The following ZNF107 variants were observed in gnomAD, a reference collection of about 807,000 sequenced individuals.
ZNF107 encodes C2H2 type zinc-finger protein.
A neutral mutation model predicts 12.3 loss-of-function variants in ZNF107; 19 were observed. The observed-to-expected ratio is 1.55, with a 90% CI of 1.08 to 2.27. The LOEUF (loss-of-function observed/expected upper bound fraction) is 2.27. Ranked by LOEUF, ZNF107 falls within the 30% of genes most tolerant of loss-of-function variation. ZNF107 has a pLI of 0.00. For synonymous variants in ZNF107, 317 were observed against 330.5 expected (o/e 0.96, Z 0.44); for missense variants, 958 against 979.9 (o/e 0.98, Z 0.30).
chr7:64,686,000 C>T (rs12154763), intron 1 of ZNF107, among the ~76,000 whole-genome samples: 78,947 of 151,848 alleles, frequency 0.52, 20,782 homozygotes, highest in East Asian at 0.67. Context: ...CATACACTCT[C>T]AAAGGATCTC....
chr7:64,707,627 A>G lies in ZNF107; in HGVS notation c.1530A>G (p.Lys510=). 1 of 1,613,050 alleles carries G rather than the reference A, an allele frequency of 6.2e-7. No homozygotes were observed. Among genetic ancestry groups the G allele is most frequent in the South Asian group, 1.1e-5 (1 of 91,040 alleles). ...KKIHTGEKPY[K]CEECDRAFSQ... is the part of the protein sequence containing the mutation. ...TTCATACTGGAGAGAAACCCTACAAATGTGAAGAATGTGACAGAGCTTTTA... is the reference window on the plus strand; with the variant it reads ...TTCATACTGGAGAGAAACCCTACAAGTGTGAAGAATGTGACAGAGCTTTTA... The change falls in exon 4 of 4, where the codon AAA becomes AAG. Residue 510 remains lysine, a synonymous_variant. Coordinates refer to ENST00000620827, the MANE Select transcript of ZNF107 (RefSeq NM_001282359.2).
intron 1 of ZNF107, among the ~76,000 whole-genome samples, chr7:64,681,880 C>A (rs1042779159): frequency 2.6e-5 from 4 of 152,130 alleles, no homozygotes; most frequent in African/African-American, 7.2e-5. Context: ...CCTCCCACCA[C>A]TACCTATTAT....
intron 3 of ZNF107, among the ~76,000 whole-genome samples, chr7:64,701,753 C>T (rs553808811): frequency 6.6e-6 from 1 of 152,152 alleles, no homozygotes; most frequent in South Asian, 2.1e-4. Context: ...TCAAGTATCT[C>T]TACTACAAGT....
rs766949806 is a variant in ZNF107 at position 64,707,104 on chromosome 7, C to G, written c.1007C>G (p.Ala336Gly). 3.7e-6 allele frequency: 6 copies of G among 1,612,306 alleles called. No individual in the cohort carries two copies. In the African/African-American group the frequency reaches 8.0e-5, roughly 22 times the overall value. Reference sequence around the variant, plus strand: ...CTTACTAACCATAAGAGAATTCATGCTGGGGAGAAACCCTACAAATGTAAA... The same window carrying G: ...CTTACTAACCATAAGAGAATTCATGGTGGGGAGAAACCCTACAAATGTAAA... Reference protein sequence around the residue: ...SNLTNHKRIHAGEKPYKCKEC... With the variant: ...SNLTNHKRIHGGEKPYKCKEC... The change falls in exon 4 of 4, where the codon GCT becomes GGT. Residue 336 changes from alanine to glycine, a missense_variant. Ala to Gly is a moderately conservative substitution (Grantham distance 60). Coordinates refer to ENST00000620827, the MANE Select transcript of ZNF107 (RefSeq NM_001282359.2).
rs1001796830 is a variant in ZNF107, at chr7:64,707,588, T to C, written c.1491T>C (p.Thr497=). The C allele has an allele frequency of 3.1e-6, 5 of 1,612,888 alleles. No homozygotes were observed. Among genetic ancestry groups the C allele is most frequent in the Admixed American group, 3.3e-5 (2 of 59,932 alleles). ...GKAFNRSSTL[T]RHKKIHTGEK... is the part of the protein sequence containing the mutation. ...CTTTTAATCGATCCTCAACCCTTAC[T>C]AGACATAAGAAAATTCATACTGGAG... Residue 497 remains threonine (T), a synonymous_variant, in exon 4 of 4, where the codon ACT becomes ACC. Coordinates refer to ENST00000620827, the MANE Select transcript of ZNF107 (RefSeq NM_001282359.2).
intron 1 of ZNF107, among the ~76,000 whole-genome samples, chr7:64,679,549 T>C (rs1357010974): frequency 6.6e-6 from 1 of 152,088 alleles, no homozygotes; most frequent in Non-Finnish European, 1.5e-5. Context: ...TTGTGGTTGC[T>C]CTCCTCCTCG....
At chr7:64,670,608 T>C (rs1386255122) in intron 1 of ZNF107, among the ~76,000 whole-genome samples, 2 of 152,108 alleles carry the variant, frequency 1.3e-5, no homozygotes, top group African/African-American at 4.8e-5. Context: ...AGAAAAAGAG[T>C]ACCATCTAAG....
At chr7:64,693,060 G>A (rs1337299315) in intron 3 of ZNF107, among the ~76,000 whole-genome samples, 7 of 151,698 alleles carry the variant, frequency 4.6e-5, no homozygotes, top group African/African-American at 7.3e-5. Context: ...GTGCAGTGGC[G>A]TGATCTCGGC....
chr7:64,687,476 G>C (rs1364476365), intron 1 of ZNF107: 19 of 985,432 alleles, frequency 1.9e-5, no homozygotes, highest in Non-Finnish European at 2.3e-5. Context: ...GGTGTGAGCT[G>C]TGTGCTGGGG....
At chr7:64,672,597 C>T (rs778181992) in intron 1 of ZNF107, among the ~76,000 whole-genome samples, 10 of 152,040 alleles carry the variant, frequency 6.6e-5, no homozygotes, top group Non-Finnish European at 1.2e-4. Flanking sequence ...TTTTGAGTTC[C>T]GCAAATCTGC....
rs865978603 is a variant in ZNF107 at position 64,708,639 on chromosome 7, G to A, written c.2542G>A (p.Glu848Lys). The change falls in exon 4 of 4, where the codon GAG becomes AAG. Residue 848 changes from glutamate to lysine, a missense_variant. Physicochemically the swap from Glu to Lys is moderately conservative, Grantham distance 56 (BLOSUM62 1). Coordinates refer to ENST00000620827, the MANE Select transcript of ZNF107 (RefSeq NM_001282359.2). ...TACTGGAGAGAAACCCTACAAATGT[G>A]AGTATGGCAAAACTTAATTGATCCT... is the stretch of plus-strand genomic sequence containing the variant. ...IHTGEKPYKC[E>K]YGKT 38 of 1,590,488 alleles carry A rather than the reference G, an allele frequency of 2.4e-5. No homozygotes were observed. In the Admixed American group the frequency reaches 6.5e-4, roughly 27 times the overall value.
intron 1 of ZNF107, among the ~76,000 whole-genome samples, chr7:64,674,188 G>T (rs149588393): frequency 0.011 from 1,611 of 151,782 alleles, 32 homozygotes; most frequent in African/African-American, 0.037. Flanking sequence ...TATTAGATCT[G>T]TACATTTCTT....
intron 1 of ZNF107, among the ~76,000 whole-genome samples, chr7:64,673,703 A>G (rs1440579015): frequency 1.3e-5 from 2 of 152,184 alleles, no homozygotes; most frequent in Non-Finnish European, 2.9e-5. Context: ...TTATAATTTT[A>G]AGTTTTACAT....
At chr7:64,696,934 A>G (rs996864072) in intron 3 of ZNF107, among the ~76,000 whole-genome samples, 1 of 151,960 alleles carries the variant, frequency 6.6e-6, no homozygotes, top group Non-Finnish European at 1.5e-5. Context: ...CGTCATTTAC[A>G]TTTGGTATAT....
chr7:64,690,227 C>A, intron 1 of ZNF107: 1 of 320,424 alleles, frequency 3.1e-6, no homozygotes, highest in Non-Finnish European at 4.4e-6. Flanking sequence ...TTTTACTTTG[C>A]TAAGAATACA....
At position 64,708,447 on chromosome 7, in the gene ZNF107, A is replaced by T. The variant is rs761034995; in HGVS notation, c.2350A>T (p.Thr784Ser). 1.2e-5 allele frequency: 20 copies of T among 1,605,174 alleles called. No homozygotes were observed. In the South Asian group the frequency reaches 2.2e-4, roughly 18 times the overall value. ...CCTTACTACACATAAGAAAATTCAT[A>T]CTTCAGAGAAACCCTACAAATGTGA... The part of the protein sequence containing the change: ...SNLTTHKKIH[T>S]SEKPYKCEEC... The change falls in exon 4 of 4, where the codon ACT becomes TCT. Residue 784 changes from threonine to serine, a missense_variant. Physicochemically the swap from Thr to Ser is moderately conservative, Grantham distance 58. Transcript: ENST00000620827.
At position 64,666,200 on chromosome 7, in the gene ZNF107, G is replaced by A. The variant is rs998597259; in HGVS notation, c.-83G>A. 17 of 1,568,308 alleles carry A rather than the reference G, an allele frequency of 1.1e-5. No individual in the cohort carries two copies. Among genetic ancestry groups the A allele is most frequent in the Non-Finnish European group, 1.5e-5 (17 of 1,146,132 alleles). On this transcript the variant is annotated 5_prime_UTR_variant, in exon 1 of 4. Transcript: ENST00000620827. ...CACTGCTCAGTGTCCTCTGCTCCTA[G>A]AGGCCCAGCCTCTGTGTCCCTGTGA...
In ZNF107 at chr7:64,707,502, AT is replaced by A. The variant is rs1347977068; in HGVS notation, c.1407del (p.Asn470ThrfsTer116). ...GKAFNQHSNL[I>X]NHRKIYSGEK... is the part of the protein sequence containing the mutation. ...AGCTTTTAACCAACACTCAAACCTA[AT>A]TAACCATAGGAAAATTTATTCTGGA... On this transcript the variant is annotated frameshift_variant, in exon 4 of 4. Coordinates refer to ENST00000620827, the MANE Select transcript of ZNF107 (RefSeq NM_001282359.2). LOFTEE classifies it low-confidence loss of function (END_TRUNC). The A allele has an allele frequency of 1.2e-6, 2 of 1,613,378 alleles. No homozygotes were observed. The highest frequency in any genetic ancestry group is 2.7e-5 in the African/African-American group (2 of 74,896).
intron 1 of ZNF107, chr7:64,684,643 C>T (rs1362188160): frequency 1.0e-6 from 1 of 985,298 alleles, no homozygotes; most frequent in Non-Finnish European, 1.2e-6. Flanking sequence ...CTTCTTCACC[C>T]TCTTCCTCCA....
Sources: allele counts gnomAD v4.1 joint callset (sites outside exome capture counted in the v4.1 genomes callset), GRCh38; gene constraint gnomAD v4.1.1; transcripts MANE v1.5; gene names NCBI Gene and HGNC (gene_info 2026-07-23, HGNC 2026-07-21).